The following DNMBP variants were observed in gnomAD, a reference collection of about 807,000 sequenced individuals.
DNMBP encodes the protein dynamin-binding protein.
A neutral mutation model predicts 150.0 loss-of-function variants in DNMBP; 87 were observed. The observed-to-expected ratio is 0.58, with a 90% CI of 0.49 to 0.69. The LOEUF is 0.69. Ranked by LOEUF, DNMBP falls within the 30% of genes least tolerant of loss-of-function variation. The pLI is 0.00. For missense variants in DNMBP, 1,774 were observed against 1,949.0 expected, an observed-to-expected ratio of 0.91 and a Z score of 1.69; for synonymous variants, 711 against 750.4, an observed-to-expected ratio of 0.95 and a Z score of 0.86.
intron 13 of DNMBP, among the ~76,000 whole-genome samples, chr10:99,886,070 C>A (rs780673241): frequency 6.6e-6 from 1 of 152,154 alleles, no homozygotes; most frequent in Non-Finnish European, 1.5e-5. Context: ...GCACTGCCTG[C>A]GGGCCAGGTT....
At chr10:99,967,035 G>T (rs1485798274) in intron 3 of DNMBP, among the ~76,000 whole-genome samples, 1 of 151,318 alleles carries the variant, frequency 6.6e-6, no homozygotes, top group African/African-American at 2.4e-5. Context: ...GGGCTCAAGG[G>T]ATACTCTTGC....
At chr10:99,966,658 T>C (rs1291948510) in intron 3 of DNMBP, among the ~76,000 whole-genome samples, 1 of 152,208 alleles carries the variant, frequency 6.6e-6, no homozygotes, top group Non-Finnish European at 1.5e-5. Context: ...CTTAATCTAT[T>C]TCTGTCTACC....
chr10:99,998,579 C>CAAAAAAA (rs71009799), intron 1 of DNMBP, among the ~76,000 whole-genome samples: 1 of 93,248 alleles, frequency 1.1e-5, no homozygotes, highest in African/African-American at 3.8e-5. Context: ...GACTCCGTCT[C>CAAAAAAA]AAAAAAAAAA....
intron 4 of DNMBP, among the ~76,000 whole-genome samples, chr10:99,927,567 A>T (rs550412314): frequency 1.3e-5 from 2 of 152,164 alleles, no homozygotes; most frequent in Non-Finnish European, 2.9e-5. Context: ...TCCTTTGTGT[A>T]ATTACACAGT....
intron 6 of DNMBP, among the ~76,000 whole-genome samples, chr10:99,902,883 G>A (rs561678633): frequency 2.6e-5 from 4 of 151,162 alleles, no homozygotes; most frequent in South Asian, 2.1e-4. Flanking sequence ...AGCAGAGGTC[G>A]TGCCACTGCA....
chr10:99,966,366 T>C (rs1446559577), intron 3 of DNMBP, among the ~76,000 whole-genome samples: 2 of 152,210 alleles, frequency 1.3e-5, no homozygotes, highest in African/African-American at 4.8e-5. Flanking sequence ...TCTTTAAGCT[T>C]ATTAGGCTTA....
rs2040501977 is a variant in DNMBP, at chr10:99,956,772, C to T, written c.702G>A (p.Glu234=). 2 of 1,614,204 alleles carry T rather than the reference C, an allele frequency of 1.2e-6. No individual in the cohort carries two copies. Among genetic ancestry groups the T allele is most frequent in the Non-Finnish European group, 1.7e-6 (2 of 1,180,030 alleles). ...GEVDTPVGEE[E]IGPDEDEEEP... ...CCTCCTCATCCTCATCCGGCCCTAT[C>T]TCTTCTTCTCCTACAGGGGTATCTA... The change falls in exon 4 of 17, where the codon GAG becomes GAA. Residue 234 remains glutamate, a synonymous_variant. Transcript: ENST00000324109.
intron 2 of DNMBP, among the ~76,000 whole-genome samples, chr10:99,971,721 T>C (rs971299546): frequency 2.6e-5 from 4 of 151,712 alleles, no homozygotes; most frequent in Admixed American, 6.6e-5. Flanking sequence ...GGTCTCACCA[T>C]CTCACCATGT....
intron 11 of DNMBP, among the ~76,000 whole-genome samples, chr10:99,891,215 G>C (rs1044318226): frequency 2.0e-5 from 2 of 100,540 alleles, no homozygotes; most frequent in Non-Finnish European, 3.6e-5. Context: ...CTCTTTCCAC[G>C]GTCTCCCTCT....
intron 4 of DNMBP, among the ~76,000 whole-genome samples, chr10:99,915,458 G>C (rs2039955664): frequency 6.6e-6 from 1 of 151,412 alleles, no homozygotes. Context: ...TATAATTCCA[G>C]CATTTTGGGA....
At chr10:99,935,415 C>A (rs1386902576) in intron 4 of DNMBP, among the ~76,000 whole-genome samples, 1 of 152,064 alleles carries the variant, frequency 6.6e-6, no homozygotes, top group Admixed American at 6.6e-5. Flanking sequence ...GAGACAGGGC[C>A]TCTCTTTGTC....
intron 3 of DNMBP, among the ~76,000 whole-genome samples, chr10:99,966,788 G>T (rs1241524759): frequency 1.4e-5 from 2 of 147,644 alleles, no homozygotes; most frequent in African/African-American, 2.5e-5. Flanking sequence ...AATACGTTTT[G>T]TTTTTTTTTT....
intron 4 of DNMBP, among the ~76,000 whole-genome samples, chr10:99,946,328 T>C (rs2040356951): frequency 6.6e-6 from 1 of 152,220 alleles, no homozygotes; most frequent in African/African-American, 2.4e-5. Context: ...CTTTTTTTGA[T>C]GTATGAAATA....
intron 1 of DNMBP, among the ~76,000 whole-genome samples, chr10:99,989,194 C>G (rs533700261): frequency 1.3e-5 from 2 of 152,324 alleles, no homozygotes; most frequent in African/African-American, 4.8e-5. Flanking sequence ...TATCCATACC[C>G]TTTACTGTGT....
chr10:99,991,854 C>T lies in DNMBP; in HGVS notation c.-11+17984G>A, dbSNP rs561793096. 8.1e-4 allele frequency among the ~76,000 whole-genome samples: 120 copies of T among 148,332 alleles called. 1 individual carries two copies. The highest frequency in any genetic ancestry group is 2.9e-3 in the African/African-American group (116 of 40,174). On this transcript the variant is annotated intron_variant, in intron 1 of 16. Coordinates refer to ENST00000324109, the MANE Select transcript of DNMBP (RefSeq NM_015221.4). ...CCAGGAGGCGAAGTTTGCAGTGAGC[C>T]GAGATTGCACCACTGCACTCCTACC...
At chr10:99,939,553 T>A (rs1336498694) in intron 4 of DNMBP, among the ~76,000 whole-genome samples, 1 of 152,268 alleles carries the variant, frequency 6.6e-6, no homozygotes, top group Non-Finnish European at 1.5e-5. Context: ...CTCCTGGGCT[T>A]GGCCTAAGCC....
chr10:99,902,619 T>TTA (rs1554861573), intron 6 of DNMBP, among the ~76,000 whole-genome samples: 2 of 125,208 alleles, frequency 1.6e-5, no homozygotes, highest in African/African-American at 6.0e-5. Flanking sequence ...TGCCTCCCTT[T>TTA]AAAAAAAAAA....
In DNMBP at chr10:100,005,786, C is replaced by CAAAAAAAAAAA. The variant is rs1589458237; in HGVS notation, c.-11+4051_-11+4052insTTTTTTTTTTT. Among the ~76,000 whole-genome samples, 663 of 100,698 alleles carry CAAAAAAAAAAA rather than the reference C, an allele frequency of 6.6e-3. 17 individuals carry two copies. Among genetic ancestry groups the CAAAAAAAAAAA allele is most frequent in the Non-Finnish European group, 9.0e-3 (458 of 51,088 alleles). 66.1% of individuals were successfully genotyped at this position (100,698 alleles called of 152,430 possible). A position where few individuals can be genotyped will look rare whatever the true frequency, so the allele number is the denominator to read the frequency against. On this transcript the variant is annotated intron_variant, in intron 1 of 16. Coordinates refer to ENST00000324109, the MANE Select transcript of DNMBP (RefSeq NM_015221.4). The stretch of plus-strand genomic sequence containing the variant: ...CTCCAAAAAAAAAAAAAAAAAAAAC[C>CAAAAAAAAAAA]AAACTACATAAAGGAAAATGAATTA...
chr10:100,001,490 C>T (rs1487256659), intron 1 of DNMBP, among the ~76,000 whole-genome samples: 1 of 143,712 alleles, frequency 7.0e-6, no homozygotes, highest in African/African-American at 2.6e-5. Context: ...CAACTCACTG[C>T]AACCTCCACC....
Sources: gnomAD v4.1 joint callset for allele counts (sites outside exome capture counted in the v4.1 genomes callset) on GRCh38, gnomAD v4.1.1 for gene constraint, MANE v1.5 for transcripts, NCBI Gene and HGNC (gene_info 2026-07-23, HGNC 2026-07-21) for gene names.